Variants in SVIL observed in about 807,000 individuals in gnomAD.
SVIL encodes supervillin.
Under a neutral mutation model 240.4 loss-of-function variants are expected in SVIL, and 101 were observed. The observed-to-expected ratio is 0.42, with a 90% CI of 0.36 to 0.50. The LOEUF is 0.50. SVIL is among the 20% of genes least tolerant of loss of function. The pLI is 0.01. For synonymous variants in SVIL, 999 were observed against 1,100.0 expected, an observed-to-expected ratio of 0.91 and a Z score of 1.82; for missense variants, 2,512 against 2,818.7, an observed-to-expected ratio of 0.89 and a Z score of 2.46.
intron 32 of SVIL, chr10:29,469,261 T>G (rs887177621): frequency 2.6e-5 from 4 of 152,216 alleles, no homozygotes; most frequent in African/African-American, 9.7e-5. Context: ...GGTGGTGTTT[T>G]GAGATGAAAC....
chr10:29,681,173 G>A (rs1564758884), intron 2 of SVIL, among the ~76,000 whole-genome samples: 1 of 152,166 alleles, frequency 6.6e-6, no homozygotes, highest in African/African-American at 2.4e-5. Flanking sequence ...AACTGGGAAG[G>A]AGGATGGCAC....
At chr10:29,659,239 C>T (rs184573405) in intron 2 of SVIL, among the ~76,000 whole-genome samples, 46 of 152,282 alleles carry the variant, frequency 3.0e-4, no homozygotes. Flanking sequence ...AGGCTCCAGC[C>T]CTGCAATCCC....
At chr10:29,498,700 G>C (rs1241227343) in intron 18 of SVIL, among the ~76,000 whole-genome samples, 2 of 152,096 alleles carry the variant, frequency 1.3e-5, no homozygotes, top group African/African-American at 4.8e-5. Context: ...TTAAAAGAAG[G>C]CTGGGCATGG....
At chr10:29,582,465 G>C (rs1158743476) in intron 1 of SVIL, among the ~76,000 whole-genome samples, 1 of 152,096 alleles carries the variant, frequency 6.6e-6, no homozygotes, top group Non-Finnish European at 1.5e-5. Flanking sequence ...TCCCAGGAAC[G>C]GTGGCTCACA....
At chr10:29,589,652 A>G (rs544817770) in intron 1 of SVIL, among the ~76,000 whole-genome samples, 4 of 152,244 alleles carry the variant, frequency 2.6e-5, no homozygotes, top group African/African-American at 9.6e-5. Flanking sequence ...AGGTGAGACA[A>G]TTTAGCTGCT....
intron 11 of SVIL, 67 bp from the exon 12 acceptor site, chr10:29,529,911 C>T: frequency 6.7e-7 from 1 of 1,488,750 alleles, no homozygotes; most frequent in Non-Finnish European, 9.0e-7. Flanking sequence ...TGGCTCACGC[C>T]TGTAATCCCA....
intron 5 of SVIL, among the ~76,000 whole-genome samples, chr10:29,553,909 C>T (rs917985918): frequency 7.2e-5 from 11 of 152,156 alleles, no homozygotes; most frequent in African/African-American, 2.4e-4. Context: ...TGAGAGCAGC[C>T]GCTCCCTGTA....
intron 18 of SVIL, among the ~76,000 whole-genome samples, chr10:29,498,847 T>G (rs1379232142): frequency 2.0e-5 from 3 of 152,026 alleles, no homozygotes; most frequent in Non-Finnish European, 4.4e-5. Context: ...CAAGCATGGT[T>G]TTGCACACCT....
At chr10:29,604,499 A>G (rs553724818) in intron 1 of SVIL, among the ~76,000 whole-genome samples, 1 of 150,512 alleles carries the variant, frequency 6.6e-6, no homozygotes, top group South Asian at 2.1e-4. Context: ...TTGGGATTAC[A>G]GGCGTGAGCC....
At chr10:29,653,530 A>C (rs1288903153) in intron 3 of SVIL, among the ~76,000 whole-genome samples, 2 of 151,912 alleles carry the variant, frequency 1.3e-5, no homozygotes, top group African/African-American at 2.4e-5. Context: ...CACTTTCTTG[A>C]TATTGTCCTT....
chr10:29,535,157 T>C (rs1951652718), intron 7 of SVIL, among the ~76,000 whole-genome samples: 2 of 152,212 alleles, frequency 1.3e-5, no homozygotes, highest in African/African-American at 4.8e-5. Context: ...TCTATATATG[T>C]GTCATTAAAG....
chr10:29,627,666 C>T (rs955860351), intron 1 of SVIL, among the ~76,000 whole-genome samples: 6 of 152,176 alleles, frequency 3.9e-5, no homozygotes, highest in African/African-American at 1.2e-4. Context: ...TAGTTGGCTG[C>T]CTGAAAGCTC....
At chr10:29,544,747 C>T (rs527689724) in intron 6 of SVIL, among the ~76,000 whole-genome samples, 1 of 120,100 alleles carries the variant, frequency 8.3e-6, no homozygotes, top group Non-Finnish European at 1.6e-5. Flanking sequence ...CAGAGTGAGA[C>T]CTTTTCTAAA....
intron 2 of SVIL, among the ~76,000 whole-genome samples, chr10:29,659,401 A>G (rs2133033651): frequency 6.6e-6 from 1 of 152,278 alleles, no homozygotes; most frequent in East Asian, 1.9e-4. Context: ...CCGCCGGAAA[A>G]AGTCAGAAAA....
chr10:29,499,308 A>G (rs1297766093), intron 17 of SVIL, 45 bp from the exon 18 acceptor site: 4 of 1,612,154 alleles, frequency 2.5e-6, no homozygotes, highest in Non-Finnish European at 3.4e-6. Flanking sequence ...GAGAAATGAC[A>G]GCGGTGTGGA....
At chr10:29,482,021 C>CTTTTTTTTTTT (rs35856299) in intron 27 of SVIL, among the ~76,000 whole-genome samples, 60 of 113,424 alleles carry the variant, frequency 5.3e-4, no homozygotes, top group Non-Finnish European at 7.4e-4. Flanking sequence ...CTTTTCTTTT[C>CTTTTTTTTTTT]TTTTTTTTTT....
chr10:29,700,474 T>TTTTTC (rs1239548719), intron 1 of SVIL, among the ~76,000 whole-genome samples: 2 of 146,134 alleles, frequency 1.4e-5, no homozygotes, highest in African/African-American at 5.1e-5. Flanking sequence ...TTTCCTTTTT[T>TTTTTC]TTTTTTTTTT....
intron 26 of SVIL, among the ~76,000 whole-genome samples, chr10:29,485,466 T>G (rs1292100553): frequency 6.6e-6 from 1 of 152,262 alleles, no homozygotes; most frequent in East Asian, 1.9e-4. Flanking sequence ...TAGGCTCAAT[T>G]TCACTTTCTA....
chr10:29,713,938 T>C (rs900774048), intron 1 of SVIL, among the ~76,000 whole-genome samples: 3 of 152,224 alleles, frequency 2.0e-5, no homozygotes, highest in Non-Finnish European at 2.9e-5. Flanking sequence ...AAATATGGAA[T>C]AGAATTCAGC....
Sources: allele counts gnomAD v4.1 joint callset (sites outside exome capture counted in the v4.1 genomes callset), GRCh38; gene constraint gnomAD v4.1.1; transcripts MANE v1.5; gene names NCBI Gene and HGNC (gene_info 2026-07-23, HGNC 2026-07-21).